CSMD1: variants seen among roughly 807,000 people sequenced by gnomAD.
The protein encoded by CSMD1 is CUB and sushi domain-containing protein 1.
Under a neutral mutation model 417.5 loss-of-function variants are expected in CSMD1, and 213 were observed. The ratio of observed to expected loss-of-function variants is 0.51; its 90% CI spans 0.46 to 0.57. The LOEUF is 0.57. Ranked by LOEUF, CSMD1 falls within the 20% of genes least tolerant of loss-of-function variation. The probability of loss-of-function intolerance (pLI) is 0.00; values close to 1 mark genes in which losing one functional copy is unlikely to be tolerated. For missense variants in CSMD1, 6,923 were observed against 4,529.7 expected (o/e 1.53, Z -15.17); for synonymous variants, 2,862 against 1,736.8 (o/e 1.65, Z -16.11).
At chr8:3,651,395 C>G (rs1797850709) in intron 7 of CSMD1, among the ~76,000 whole-genome samples, 1 of 152,082 alleles carries the variant, frequency 6.6e-6, no homozygotes, top group Non-Finnish European at 1.5e-5. Context: ...AATATGGAAG[C>G]CATGGCCCTT....
At chr8:4,144,538 G>C (rs930490793) in intron 3 of CSMD1, among the ~76,000 whole-genome samples, 2 of 150,956 alleles carry the variant, frequency 1.3e-5, no homozygotes, top group African/African-American at 2.5e-5. Flanking sequence ...CTTCCCTCCA[G>C]AATCTGGTTA....
intron 3 of CSMD1, among the ~76,000 whole-genome samples, chr8:4,274,015 T>A (rs1804766189): frequency 6.6e-6 from 1 of 152,182 alleles, no homozygotes; most frequent in African/African-American, 2.4e-5. Flanking sequence ...TTTTTCAGCA[T>A]ATTCTATGTC....
At position 2,938,590 on chromosome 8, in the gene CSMD1, C is replaced by A. The variant is rs764461319; in HGVS notation, c.10690G>T (p.Val3564Leu). ...DTTLNTVCTV[V>L] ...TCCTGTTGGGGCACTGAGGGCTATA[C>A]CACTGTACAGACTGTGTTCAGAGTT... The change falls in exon 70 of 70, where the codon GTA becomes TTA. Residue 3564 changes from valine to leucine, a missense_variant. Transcript: ENST00000635120. The A allele has an allele frequency of 1.9e-6, 3 of 1,611,376 alleles. No individual in the cohort carries two copies. Among genetic ancestry groups the A allele is most frequent in the South Asian group, 1.1e-5 (1 of 90,320 alleles).
At chr8:4,074,267 G>T (rs73187999) in intron 3 of CSMD1, among the ~76,000 whole-genome samples, 12,589 of 151,928 alleles carry the variant, frequency 0.083, 581 homozygotes, top group Middle Eastern at 0.16. Context: ...GTTTCATAAA[G>T]AAAGTCATGA....
intron 3 of CSMD1, among the ~76,000 whole-genome samples, chr8:4,175,635 CAA>C (rs1314121030): frequency 3.3e-5 from 5 of 151,992 alleles, no homozygotes; most frequent in Non-Finnish European, 5.9e-5. Context: ...TTTGTGATGG[CAA>C]AAACTTGAAG....
intron 2 of CSMD1, among the ~76,000 whole-genome samples, chr8:4,444,596 G>A (rs1030544166): frequency 2.0e-5 from 3 of 152,070 alleles, no homozygotes; most frequent in South Asian, 2.1e-4. Context: ...GAAATGCTGA[G>A]CATTCTGCAC....
intron 2 of CSMD1, among the ~76,000 whole-genome samples, chr8:4,447,882 A>C (rs2129780339): frequency 6.6e-6 from 1 of 152,366 alleles, no homozygotes; most frequent in East Asian, 1.9e-4. Context: ...CGACGAATGT[A>C]CAATTTTATT....
At chr8:4,342,627 G>A (rs1184221622) in intron 3 of CSMD1, among the ~76,000 whole-genome samples, 4 of 151,936 alleles carry the variant, frequency 2.6e-5, no homozygotes, top group African/African-American at 9.7e-5. Flanking sequence ...TTCACATGCA[G>A]ACATTCTTTA....
chr8:4,917,520 G>T (rs978605737), intron 1 of CSMD1, among the ~76,000 whole-genome samples: 6 of 152,174 alleles, frequency 3.9e-5, no homozygotes, highest in African/African-American at 1.4e-4. Flanking sequence ...TGTACTCCCA[G>T]CTACTCGGGA....
At chr8:2,993,014 T>C (rs1161527336) in intron 54 of CSMD1, among the ~76,000 whole-genome samples, 2 of 152,192 alleles carry the variant, frequency 1.3e-5, no homozygotes, top group African/African-American at 4.8e-5. Flanking sequence ...ACTAAAAGCA[T>C]GAGTCACTAT....
At chr8:3,523,016 C>T (rs1248499387) in intron 10 of CSMD1, among the ~76,000 whole-genome samples, 590 of 43,162 alleles carry the variant, frequency 0.014, 3 homozygotes, top group South Asian at 0.053. Flanking sequence ...TACACACACC[C>T]ACACACACAC....
chr8:3,597,554 G>A (rs1376110671), intron 8 of CSMD1, among the ~76,000 whole-genome samples: 1 of 152,122 alleles, frequency 6.6e-6, no homozygotes, highest in Non-Finnish European at 1.5e-5. Flanking sequence ...AAGGTACTGA[G>A]GCCAAGAATT....
chr8:4,284,639 G>A (rs1171842335), intron 3 of CSMD1, among the ~76,000 whole-genome samples: 2 of 152,030 alleles, frequency 1.3e-5, no homozygotes, highest in African/African-American at 4.8e-5. Context: ...TGTTCTCCAA[G>A]GGTGGACTCA....
intron 1 of CSMD1, among the ~76,000 whole-genome samples, chr8:4,835,124 G>A (rs1269501805): frequency 6.6e-6 from 1 of 151,898 alleles, no homozygotes; most frequent in Non-Finnish European, 1.5e-5. Context: ...TATTATTAAG[G>A]CGGCAACTCT....
intron 3 of CSMD1, among the ~76,000 whole-genome samples, chr8:4,349,619 C>T (rs77705390): frequency 2.7e-3 from 412 of 152,132 alleles, no homozygotes; most frequent in African/African-American, 9.6e-3. Flanking sequence ...GTTACGTCTC[C>T]CTGAAATTTC....
intron 3 of CSMD1, among the ~76,000 whole-genome samples, chr8:4,047,431 G>C (rs1016939608): frequency 6.6e-6 from 1 of 152,130 alleles, no homozygotes; most frequent in South Asian, 2.1e-4. Flanking sequence ...AATTAAAATG[G>C]CATTTTTCCC....
At position 3,832,198 on chromosome 8, in the gene CSMD1, G is replaced by C. The variant is rs75824585; in HGVS notation, c.819-78156C>G. Among the ~76,000 whole-genome samples, 124 of 152,224 alleles carry C rather than the reference G, an allele frequency of 8.1e-4. 1 individual carries two copies. The East Asian group carries it at 0.019, about 23-fold the overall frequency. ...ACAGCCGTGGAGGCTGAGTCACGTG[G>C]GATGGAATAAGCTGTGCCCTGTCCA... On this transcript the variant is annotated intron_variant, in intron 5 of 69. Coordinates refer to ENST00000635120, the MANE Select transcript of CSMD1 (RefSeq NM_033225.6).
chr8:4,021,976 A>G (rs2130507927), intron 4 of CSMD1, among the ~76,000 whole-genome samples: 1 of 152,032 alleles, frequency 6.6e-6, no homozygotes, highest in South Asian at 2.1e-4. Context: ...AGTGCTGCCT[A>G]GGAAAGGATA....
At chr8:4,682,013 G>A (rs1464350208) in intron 1 of CSMD1, among the ~76,000 whole-genome samples, 1 of 152,026 alleles carries the variant, frequency 6.6e-6, no homozygotes, top group Non-Finnish European at 1.5e-5. Flanking sequence ...TCATTTTATT[G>A]GATAAATTTG....
Sources: gnomAD v4.1 joint callset for allele counts (sites outside exome capture counted in the v4.1 genomes callset) on GRCh38, gnomAD v4.1.1 for gene constraint, MANE v1.5 for transcripts, NCBI Gene and HGNC (gene_info 2026-07-23, HGNC 2026-07-21) for gene names.